The following SLC6A13 variants were observed in gnomAD, a reference collection of about 807,000 sequenced individuals.
SLC6A13 encodes the protein solute carrier family 6 member 13, also known as sodium- and chloride-dependent GABA transporter 2.
A neutral mutation model predicts 72.9 loss-of-function variants in SLC6A13; 69 were observed. That is an observed-to-expected ratio of 0.95 (90% CI 0.78 to 1.16). The LOEUF (loss-of-function observed/expected upper bound fraction) is 1.16, where lower values mean the gene tolerates loss of function less well. Among genes scored for constraint, SLC6A13 ranks in the 50% most tolerant of loss-of-function variants. The pLI is 0.00. For synonymous variants in SLC6A13, 303 were observed against 303.0 expected (o/e 1.00, Z 0.00); for missense variants, 735 against 760.5 (o/e 0.97, Z 0.39).
intron 4 of SLC6A13, among the ~76,000 whole-genome samples, chr12:241,954 A>G (rs1237027655): frequency 1.3e-5 from 2 of 152,226 alleles, no homozygotes; most frequent in African/African-American, 4.8e-5. Context: ...CTATGTTTAG[A>G]TACACAAATA....
chr12:238,012 T>C lies in SLC6A13; in HGVS notation c.479-2A>G, dbSNP rs1355119201. On this transcript the variant is annotated splice_acceptor_variant, in intron 4 of 14. Transcript: ENST00000343164. LOFTEE classifies it high-confidence loss of function. Reference sequence around the variant, plus strand: ...TCTTCTGGAACTCCATACAGTGTTCTACCCATGGGTCACGAGGAGGGAAAA... The same window carrying C: ...TCTTCTGGAACTCCATACAGTGTTCCACCCATGGGTCACGAGGAGGGAAAA... 2 of 1,612,924 alleles carry C rather than the reference T, an allele frequency of 1.2e-6. No homozygotes were observed. Among genetic ancestry groups the C allele is most frequent in the Admixed American group, 1.7e-5 (1 of 60,020 alleles).
At position 243,824 on chromosome 12, in the gene SLC6A13, A is replaced by G. The variant is rs757586379; in HGVS notation, c.203-11T>C. ...GGATGAAGAAGGCACCTGTGGTTAG[A>G]AAACAGGCTGTTCATTTCCTGGGAC... is the stretch of plus-strand genomic sequence containing the variant. On this transcript the variant is annotated splice_polypyrimidine_tract_variant and intron_variant, in intron 2 of 14. Transcript: ENST00000343164. The G allele has an allele frequency of 4.3e-6, 7 of 1,612,880 alleles. No individual in the cohort carries two copies. In the African/African-American group the frequency reaches 6.7e-5, roughly 15 times the overall value.
At position 259,885 on chromosome 12, in the gene SLC6A13, C is replaced by G; in HGVS notation, c.168G>C (p.Trp56Cys). Residue 56 changes from tryptophan (W) to cysteine (C), a missense_variant, in exon 2 of 15, where the codon TGG (tryptophan) becomes TGC (cysteine). Coordinates refer to ENST00000343164, the MANE Select transcript of SLC6A13 (RefSeq NM_016615.5). Reference protein sequence around the residue: ...AGEIIGLGNVWRFPYLCYKNG... With the variant: ...AGEIIGLGNVCRFPYLCYKNG... ...TTTTGTAGCAGAGATAGGGAAACCTCCAGACGTTGCCTAAGCCAATGATCT... is the reference window on the plus strand; with the variant it reads ...TTTTGTAGCAGAGATAGGGAAACCTGCAGACGTTGCCTAAGCCAATGATCT... 2 of 1,614,210 alleles carry G rather than the reference C, an allele frequency of 1.2e-6. No homozygotes were observed. The highest frequency in any genetic ancestry group is 1.7e-6 in the Non-Finnish European group (2 of 1,180,032).
intron 2 of SLC6A13, among the ~76,000 whole-genome samples, chr12:250,938 C>T (rs1347310880): frequency 1.3e-5 from 2 of 150,622 alleles, no homozygotes; most frequent in Non-Finnish European, 2.9e-5. Context: ...GGGTGGATCA[C>T]GAGGTCAGGA....
chr12:243,597 G>T, intron 3 of SLC6A13, 82 bp downstream of exon 3: 2 of 1,381,230 alleles, frequency 1.4e-6, no homozygotes, highest in Non-Finnish European at 2.0e-6. Flanking sequence ...CCTCAGAACT[G>T]CTACTAATCA....
In SLC6A13 at chr12:221,060, T is replaced by C. The variant is rs1156753515; in HGVS notation, c.1697A>G (p.Gln566Arg). 1.3e-5 allele frequency: 21 copies of C among 1,605,118 alleles called. No homozygotes were observed. Among genetic ancestry groups the C allele is most frequent in the Non-Finnish European group, 1.7e-5 (20 of 1,176,782 alleles). ...CAGGTCCTCGGCTGGGCACATGAGC[T>C]GACGGATTCTCTGCGGGGATAGCAG... is the stretch of plus-strand genomic sequence containing the variant. Reference protein sequence around the residue: ...LKGPFRERIRQLMCPAEDLPQ... With the variant: ...LKGPFRERIRRLMCPAEDLPQ... Residue 566 changes from glutamine (Q) to arginine (R), a missense_variant, in exon 15 of 15, where the codon CAG (glutamine) becomes CGG (arginine). Physicochemically the swap from Gln to Arg is conservative, Grantham distance 43 (BLOSUM62 1). Coordinates refer to ENST00000343164, the MANE Select transcript of SLC6A13 (RefSeq NM_016615.5).
rs757738589 is a variant in SLC6A13 at position 224,430 on chromosome 12, T to C, written c.1144A>G (p.Met382Val). The C allele has an allele frequency of 1.2e-6, 2 of 1,614,006 alleles. No individual in the cohort carries two copies. The highest frequency in any genetic ancestry group is 2.2e-5 in the East Asian group (1 of 44,868). ...SPLWACCFFF[M>V]VVLLGLDSQF... ...CTATCCAGTCCCAGGAGAACGACCATGAAGAAGAAACAGCAGGCCCAGAGA... is the reference window on the plus strand; with the variant it reads ...CTATCCAGTCCCAGGAGAACGACCACGAAGAAGAAACAGCAGGCCCAGAGA... The change falls in exon 10 of 15, where the codon ATG becomes GTG. Residue 382 changes from methionine (M) to valine (V), a missense_variant. Physicochemically the swap from Met to Val is conservative, Grantham distance 21. Transcript: ENST00000343164.
Position 221,562 on chromosome 12 carries a change from G to A in SLC6A13, c.1516-16C>T. 6.7e-7 allele frequency: 1 copy of A among 1,500,626 alleles called. No individual in the cohort carries two copies. The highest frequency in any genetic ancestry group is 9.0e-7 in the Non-Finnish European group (1 of 1,107,706). The allele number at this position is 1,500,626 out of a possible 1,614,324, so 93.0% of individuals were successfully genotyped here. On this transcript the variant is annotated splice_polypyrimidine_tract_variant and intron_variant, in intron 13 of 14. Coordinates refer to ENST00000343164, the MANE Select transcript of SLC6A13 (RefSeq NM_016615.5). ...GAAAGGTGGCCTGAGGGGGAGAGCA[G>A]AAGAGAAAGGGGTTGGGGGGCGGGG...
chr12:226,789 T>G, intron 8 of SLC6A13: 1 of 312,004 alleles, frequency 3.2e-6, no homozygotes, highest in Non-Finnish European at 6.1e-6. Context: ...GATCTAGATG[T>G]GACAAACCGC....
At chr12:226,204 T>C (rs1013587893) in intron 9 of SLC6A13, among the ~76,000 whole-genome samples, 186 bp downstream of exon 9, 2 of 152,224 alleles carry the variant, frequency 1.3e-5, no homozygotes, top group Admixed American at 6.5e-5. Flanking sequence ...ATGTTCACTG[T>C]AGGCCTACTC....
Position 262,773 on chromosome 12 carries a change from A to C in SLC6A13, c.-6+16T>G. 2 of 886,182 alleles carry C rather than the reference A, an allele frequency of 2.3e-6. No homozygotes were observed. Among genetic ancestry groups the C allele is most frequent in the Non-Finnish European group, 2.7e-6 (2 of 739,402 alleles). 54.9% of individuals were successfully genotyped at this position (886,182 alleles called of 1,614,324 possible). On this transcript the variant is annotated intron_variant, in intron 1 of 14. Coordinates refer to ENST00000343164, the MANE Select transcript of SLC6A13 (RefSeq NM_016615.5). ...GACGCAGAAATAGAAAAAAAAGAGAAGAAAACATTTCGAACCTTAGTGAAG... is the reference window on the plus strand; with the variant it reads ...GACGCAGAAATAGAAAAAAAAGAGACGAAAACATTTCGAACCTTAGTGAAG...
At chr12:224,217 C>A in intron 10 of SLC6A13, 88 bp from the exon 11 acceptor site, 3 of 1,548,464 alleles carry the variant, frequency 1.9e-6, no homozygotes, top group Non-Finnish European at 2.7e-6. Flanking sequence ...CCAGGATCAG[C>A]CCTGCCAGCC....
At chr12:225,406 T>A (rs969807918) in intron 9 of SLC6A13, among the ~76,000 whole-genome samples, 1 of 152,168 alleles carries the variant, frequency 6.6e-6, no homozygotes, top group Non-Finnish European at 1.5e-5. Context: ...TCCCAGCACT[T>A]TGGGAGGCTG....
At position 234,498 on chromosome 12, in the gene SLC6A13, TCA is replaced by T. The variant is rs1316362867; in HGVS notation, c.831+590_831+591del. Among the ~76,000 whole-genome samples, 32 of 152,282 alleles carry T rather than the reference TCA, an allele frequency of 2.1e-4. No homozygotes were observed. The East Asian group carries it at 6.0e-3, about 29-fold the overall frequency. ...TTATTTCATTTTATTTTATTTTATT[TCA>T]TTTTATTTTATTTTATTTCATTTTA... is the stretch of plus-strand genomic sequence containing the variant. On this transcript the variant is annotated intron_variant, in intron 7 of 14. Transcript: ENST00000343164.
In SLC6A13 at chr12:259,790, A is replaced by G. The variant is rs1436487013; in HGVS notation, c.202+61T>C. The G allele has an allele frequency of 4.3e-6, 7 of 1,614,118 alleles. No homozygotes were observed. In the East Asian group the frequency reaches 1.1e-4, roughly 26 times the overall value. Reference sequence around the variant, plus strand: ...GACTCCCCAGAGGGGCCGTAAGTGCAGGAGATGGAAGTATCCTCCTTCCAG... The same window carrying G: ...GACTCCCCAGAGGGGCCGTAAGTGCGGGAGATGGAAGTATCCTCCTTCCAG... On this transcript the variant is annotated intron_variant, in intron 2 of 14. Coordinates refer to ENST00000343164, the MANE Select transcript of SLC6A13 (RefSeq NM_016615.5).
At chr12:260,299 T>G (rs894322257) in intron 1 of SLC6A13, among the ~76,000 whole-genome samples, 1 of 152,250 alleles carries the variant, frequency 6.6e-6, no homozygotes, top group East Asian at 1.9e-4. Context: ...AGACAGCCTT[T>G]GCTTCCACTA....
intron 2 of SLC6A13, among the ~76,000 whole-genome samples, chr12:255,494 G>A (rs947169401): frequency 1.5e-4 from 23 of 152,338 alleles, no homozygotes; most frequent in African/African-American, 5.3e-4. Context: ...TCAGGAGTTC[G>A]AGACCAGCCT....
At chr12:238,353 A>G in intron 4 of SLC6A13, 7 of 1,317,690 alleles carry the variant, frequency 5.3e-6, no homozygotes, top group Non-Finnish European at 6.0e-6. Context: ...CCTTCGAGGA[A>G]TAATAAGAGG....
intron 7 of SLC6A13, among the ~76,000 whole-genome samples, chr12:230,298 A>T (rs1030058654): frequency 3.3e-5 from 5 of 152,218 alleles, no homozygotes; most frequent in Non-Finnish European, 5.9e-5. Context: ...GGACTCTAGA[A>T]GATCTGGGAA....
Sources: allele counts gnomAD v4.1 joint callset (sites outside exome capture counted in the v4.1 genomes callset), GRCh38; gene constraint gnomAD v4.1.1; transcripts MANE v1.5; gene names NCBI Gene and HGNC (gene_info 2026-07-23, HGNC 2026-07-21).